ATP7A: variants seen among roughly 807,000 people sequenced by gnomAD.
The protein encoded by ATP7A is ATPase copper transporting alpha, also known as copper-transporting ATPase 1.
In ATP7A, 7 loss-of-function variants were observed where a neutral mutation model predicts 83.5. That is an observed-to-expected ratio of 0.08 (90% CI 0.05 to 0.16). The LOEUF (loss-of-function observed/expected upper bound fraction) is 0.16. ATP7A is among the 10% of genes least tolerant of loss of function. ATP7A has a pLI of 1.00. For missense variants in ATP7A, 940 were observed against 1,120.8 expected (o/e 0.84, Z 2.30); for synonymous variants, 354 against 395.2 (o/e 0.90, Z 1.24).
intron 1 of ATP7A, among the ~76,000 whole-genome samples, chrX:77,918,541 G>A (rs1173507118): frequency 9.0e-6 from 1 of 111,703 alleles, no homozygotes; most frequent in Non-Finnish European, 1.9e-5. Flanking sequence ...GATACTGACA[G>A]TATAGTTCCT....
chrX:77,955,297 A>G (rs1156353488), intron 1 of ATP7A, among the ~76,000 whole-genome samples: 1 of 111,565 alleles, frequency 9.0e-6, no homozygotes, highest in Non-Finnish European at 1.9e-5. Flanking sequence ...TTTTTTATTC[A>G]TAAGCATTGT....
Position 78,046,342 on chromosome X carries a change from G to C in ATP7A, c.4275G>C (p.Gln1425His). The C allele has an allele frequency of 8.3e-7, 1 of 1,211,686 alleles. No individual in the cohort carries two copies. The highest frequency in any genetic ancestry group is 1.1e-6 in the Non-Finnish European group (1 of 895,191). The change falls in exon 23 of 23, where the codon CAG (glutamine) becomes CAC (histidine). Residue 1425 changes from glutamine to histidine, a missense_variant. Coordinates refer to ENST00000341514, the MANE Select transcript of ATP7A (RefSeq NM_000052.7). ...YESYELPARS[Q>H]IGQKSPSEIS... is the part of the protein sequence containing the mutation. ...GTTATGAACTGCCTGCCCGGAGCCA[G>C]ATAGGACAGAAGAGTCCTTCAGAAA...
At position 78,046,592 on chromosome X, in the gene ATP7A, A is replaced by G; in HGVS notation, c.*22A>G. On this transcript the variant is annotated 3_prime_UTR_variant, in exon 23 of 23. Coordinates refer to ENST00000341514, the MANE Select transcript of ATP7A (RefSeq NM_000052.7). ...ATAAAAGGCCATGGAGAGTGCTGCC[A>G]GTTTAACTTGTCATGCACTGACACA... The G allele has an allele frequency of 1.7e-6, 2 of 1,209,241 alleles. No individual in the cohort carries two copies. The highest frequency in any genetic ancestry group is 1.8e-5 in the South Asian group (1 of 56,955).
At chrX:77,922,376 G>A (rs2077220839) in intron 1 of ATP7A, among the ~76,000 whole-genome samples, 1 of 110,420 alleles carries the variant, frequency 9.1e-6, no homozygotes, top group Admixed American at 9.6e-5. Context: ...TGTGGTGCAT[G>A]CCTTGAGTCC....
At chrX:78,042,281 A>G (rs992378629) in intron 19 of ATP7A, among the ~76,000 whole-genome samples, 5 of 111,402 alleles carry the variant, frequency 4.5e-5, no homozygotes, top group South Asian at 3.8e-4. Context: ...ACATCTTTGG[A>G]CATGTATCTT....
At chrX:77,969,162 A>C in intron 1 of ATP7A, 1 of 1,211,607 alleles carries the variant, frequency 8.3e-7, no homozygotes, top group Admixed American at 2.2e-5. Flanking sequence ...CTCTGGCAAT[A>C]GTATCCTTCG....
At chrX:77,922,372 G>A (rs781973924) in intron 1 of ATP7A, among the ~76,000 whole-genome samples, 1 of 110,438 alleles carries the variant, frequency 9.1e-6, no homozygotes, top group East Asian at 2.9e-4. Context: ...GGCATGTGGT[G>A]CATGCCTTGA....
Position 77,998,636 on chromosome X carries a change from T to G in ATP7A, c.1495T>G (p.Cys499Gly). 8.3e-7 allele frequency: 1 copy of G among 1,211,979 alleles called. No individual in the cohort carries two copies. Among genetic ancestry groups the G allele is most frequent in the Non-Finnish European group, 1.1e-6 (1 of 895,604 alleles). The change falls in exon 5 of 23, where the codon TGC (cysteine) becomes GGC (glycine). Residue 499 changes from cysteine (C) to glycine (G), a missense_variant. By Grantham distance (159) the Cys-to-Gly change is radical. Coordinates refer to ENST00000341514, the MANE Select transcript of ATP7A (RefSeq NM_000052.7). Reference sequence around the variant, plus strand: ...TTACATACAGGTCACTGGCATGACTTGCGCTTCCTGTGTAGCAAACATTGA... The same window carrying G: ...TTACATACAGGTCACTGGCATGACTGGCGCTTCCTGTGTAGCAAACATTGA... ...KCYIQVTGMTCASCVANIERN... is the reference protein window; with the variant it reads ...KCYIQVTGMTGASCVANIERN...
intron 1 of ATP7A, among the ~76,000 whole-genome samples, chrX:77,929,337 C>A (rs983407336): frequency 9.0e-6 from 1 of 111,607 alleles, no homozygotes; most frequent in Non-Finnish European, 1.9e-5. Context: ...TGAACCCATC[C>A]CCTTCATTAC....
rs1557221803 is a variant in ATP7A, at chrX:77,910,693, A to T, written c.-164A>T. 2 of 111,811 alleles carry T rather than the reference A, an allele frequency of 1.8e-5. No individual in the cohort carries two copies. The highest frequency in any genetic ancestry group is 3.8e-5 in the Non-Finnish European group (2 of 53,115). 9.2% of individuals were successfully genotyped at this position (111,811 alleles called of 1,213,427 possible). Reference sequence around the variant, plus strand: ...GGGGTGGGAAAAGAGAAGCAGAGGGAGGAGTTGTTGCTGCCGCCGCCGCAG... The same window carrying T: ...GGGGTGGGAAAAGAGAAGCAGAGGGTGGAGTTGTTGCTGCCGCCGCCGCAG... On this transcript the variant is annotated 5_prime_UTR_variant, in exon 1 of 23. Coordinates refer to ENST00000341514, the MANE Select transcript of ATP7A (RefSeq NM_000052.7).
chrX:77,916,839 TG>T (rs1486695330), intron 1 of ATP7A, among the ~76,000 whole-genome samples: 19 of 111,595 alleles, frequency 1.7e-4, no homozygotes, highest in African/African-American at 5.5e-4. Flanking sequence ...TATGTTCCAA[TG>T]TCTAGCAAGA....
chrX:77,914,923 G>A (rs1311179642), intron 1 of ATP7A, among the ~76,000 whole-genome samples: 2 of 111,429 alleles, frequency 1.8e-5, no homozygotes, highest in African/African-American at 6.5e-5. Context: ...ACATTTTCTG[G>A]AGTATTAGAT....
chrX:77,998,300 A>C (rs2077716990), intron 4 of ATP7A, among the ~76,000 whole-genome samples, 178 bp from the exon 5 acceptor site: 1 of 111,863 alleles, frequency 8.9e-6, no homozygotes, highest in Admixed American at 9.6e-5. Context: ...GAAGTATTGA[A>C]ATTGGAAGTC....
chrX:78,036,265 T>C (rs2078012907), intron 17 of ATP7A, among the ~76,000 whole-genome samples: 1 of 111,088 alleles, frequency 9.0e-6, no homozygotes, highest in South Asian at 3.8e-4. Flanking sequence ...AGTAGTGGGT[T>C]CTGTTTCATA....
chrX:78,003,322 G>A, intron 6 of ATP7A, 86 bp downstream of exon 6: 2 of 937,610 alleles, frequency 2.1e-6, no homozygotes, highest in African/African-American at 1.9e-5. Context: ...GATAATTAAA[G>A]GTGGGGAAAA....
intron 11 of ATP7A, among the ~76,000 whole-genome samples, chrX:78,015,353 A>G (rs904982429): frequency 5.3e-5 from 6 of 112,219 alleles, no homozygotes; most frequent in Non-Finnish European, 9.4e-5. Context: ...AACTTGTTCT[A>G]TAACTCCTAT....
intron 1 of ATP7A, among the ~76,000 whole-genome samples, chrX:77,912,609 G>T (rs782147289): frequency 1.8e-5 from 2 of 112,079 alleles, no homozygotes; most frequent in African/African-American, 6.5e-5. Flanking sequence ...AATGTATGAG[G>T]CTTAATTCTG....
At position 78,045,495 on chromosome X, in the gene ATP7A, T is replaced by A. The variant is rs2149113522; in HGVS notation, c.4149T>A (p.Val1383=). ...GAGTTTTTATGCCCATTGGTTTGGT[T>A]TTGCAGCCCTGGATGGGATCTGCAG... ...AAGVFMPIGL[V]LQPWMGSAAM... is the part of the protein sequence containing the mutation. The change falls in exon 22 of 23, where the codon GTT becomes GTA. Residue 1383 remains valine (V), a synonymous_variant. Transcript: ENST00000341514. The A allele has an allele frequency of 1.7e-6, 2 of 1,211,607 alleles. No homozygotes were observed. The highest frequency in any genetic ancestry group is 1.8e-5 in the South Asian group (1 of 57,021).
intron 5 of ATP7A, among the ~76,000 whole-genome samples, chrX:77,999,036 G>A (rs1459481609): frequency 9.5e-6 from 1 of 104,809 alleles, no homozygotes; most frequent in Non-Finnish European, 1.9e-5. Context: ...TTGCTCTGTC[G>A]CCCAGGCTGG....
Sources: allele counts gnomAD v4.1 joint callset (sites outside exome capture counted in the v4.1 genomes callset), GRCh38; gene constraint gnomAD v4.1.1; transcripts MANE v1.5; gene names NCBI Gene and HGNC (gene_info 2026-07-23, HGNC 2026-07-21).